The following GABRB1 variants were observed in gnomAD, a reference collection of about 807,000 sequenced individuals.
The protein encoded by GABRB1 is gamma-aminobutyric acid type A receptor subunit beta1.
A neutral mutation model predicts 51.6 loss-of-function variants in GABRB1; 17 were observed. The ratio of observed to expected loss-of-function variants is 0.33; its 90% CI spans 0.23 to 0.49. The LOEUF (loss-of-function observed/expected upper bound fraction) is 0.49. GABRB1 is among the 20% of genes least tolerant of loss of function. GABRB1 has a pLI of 0.99. For missense variants in GABRB1, 410 were observed against 600.6 expected (o/e 0.68, Z 3.32); for synonymous variants, 247 against 218.9 (o/e 1.13, Z -1.14).
intron 3 of GABRB1, among the ~76,000 whole-genome samples, chr4:47,107,649 T>A (rs1358655425): frequency 6.6e-6 from 1 of 152,112 alleles, no homozygotes; most frequent in Non-Finnish European, 1.5e-5. Context: ...ATAAAGTTAG[T>A]TGACATATAT....
intron 3 of GABRB1, among the ~76,000 whole-genome samples, chr4:47,051,407 A>G (rs938156006): frequency 1.2e-4 from 18 of 152,234 alleles, no homozygotes; most frequent in Non-Finnish European, 2.5e-4. Context: ...CTGAGAAACT[A>G]GACAAGAGGT....
intron 7 of GABRB1, among the ~76,000 whole-genome samples, chr4:47,405,252 A>G (rs1243450309): frequency 2.0e-5 from 3 of 152,160 alleles, no homozygotes; most frequent in African/African-American, 7.2e-5. Context: ...AATTTTTTGT[A>G]TGGTAGCCCT....
At chr4:47,339,480 T>C (rs1725806875) in intron 5 of GABRB1, among the ~76,000 whole-genome samples, 1 of 152,080 alleles carries the variant, frequency 6.6e-6, no homozygotes, top group Non-Finnish European at 1.5e-5. Flanking sequence ...ATTATTGCAT[T>C]CAACCAATTA....
chr4:47,112,149 T>A (rs1715241186), intron 3 of GABRB1, among the ~76,000 whole-genome samples: 1 of 151,842 alleles, frequency 6.6e-6, no homozygotes, highest in Admixed American at 6.6e-5. Context: ...TTTTTTGTTT[T>A]TTCTTGTTTG....
intron 3 of GABRB1, among the ~76,000 whole-genome samples, chr4:47,130,874 T>C (rs1038064543): frequency 6.6e-6 from 1 of 152,206 alleles, no homozygotes; most frequent in Non-Finnish European, 1.5e-5. Flanking sequence ...TTAAGTGCTA[T>C]ATCAAGAAAG....
At chr4:47,214,705 A>T (rs1293588914) in intron 4 of GABRB1, among the ~76,000 whole-genome samples, 3 of 152,132 alleles carry the variant, frequency 2.0e-5, no homozygotes, top group Non-Finnish European at 4.4e-5. Flanking sequence ...CCCCAAATTG[A>T]TATCAACTTC....
intron 3 of GABRB1, among the ~76,000 whole-genome samples, chr4:47,146,455 A>G (rs16859938): frequency 0.015 from 2,267 of 152,198 alleles, 60 homozygotes; most frequent in African/African-American, 0.052. Flanking sequence ...AAATGACATT[A>G]TAAATGGAGA....
chr4:47,008,153 C>T (rs1446152017), intron 1 of GABRB1, among the ~76,000 whole-genome samples: 2 of 151,986 alleles, frequency 1.3e-5, no homozygotes, highest in African/African-American at 4.8e-5. Flanking sequence ...CAAGAAATGA[C>T]TCCCAGATTT....
rs141721565 is a variant in GABRB1 at position 47,289,164 on chromosome 4, C to G, written c.462-30963C>G. On this transcript the variant is annotated intron_variant, in intron 4 of 8. Transcript: ENST00000295454. The stretch of plus-strand genomic sequence containing the variant: ...TATCTGTGATGATGTGAAACAGAGA[C>G]CATCAGTCCACAGAGACCCTTTCAA... 4.5e-3 allele frequency among the ~76,000 whole-genome samples: 678 copies of G among 152,154 alleles called. 21 individuals carry two copies. The highest frequency in any genetic ancestry group is 0.042 in the Admixed American group (643 of 15,288).
At chr4:47,305,149 C>CGCCTATTCG (rs1488560043) in intron 4 of GABRB1, among the ~76,000 whole-genome samples, 1 of 152,044 alleles carries the variant, frequency 6.6e-6, no homozygotes, top group Non-Finnish European at 1.5e-5. Flanking sequence ...ATGTGTATAC[C>CGCCTATTCG]AGTGTTTTAG....
At chr4:47,095,619 G>C (rs559749674) in intron 3 of GABRB1, among the ~76,000 whole-genome samples, 15 of 152,168 alleles carry the variant, frequency 9.9e-5, no homozygotes, top group Non-Finnish European at 1.9e-4. Context: ...TGATTCATAC[G>C]ATCTTTTAAT....
chr4:47,116,759 C>T (rs1048154870), intron 3 of GABRB1, among the ~76,000 whole-genome samples: 11 of 152,154 alleles, frequency 7.2e-5, no homozygotes, highest in African/African-American at 1.2e-4. Context: ...GAACTACCTG[C>T]GACTGAGCCA....
chr4:47,273,173 T>C (rs1722942061), intron 4 of GABRB1, among the ~76,000 whole-genome samples: 1 of 152,220 alleles, frequency 6.6e-6, no homozygotes, highest in African/African-American at 2.4e-5. Flanking sequence ...ATTTCTGTGC[T>C]GTATTCTTGA....
chr4:47,006,436 C>G (rs1050859139), intron 1 of GABRB1, among the ~76,000 whole-genome samples: 1 of 152,142 alleles, frequency 6.6e-6, no homozygotes, highest in African/African-American at 2.4e-5. Context: ...TAAGATGGAA[C>G]TATTTTCTTT....
intron 4 of GABRB1, among the ~76,000 whole-genome samples, chr4:47,311,465 G>A (rs1183517995): frequency 2.9e-5 from 4 of 136,738 alleles, no homozygotes; most frequent in East Asian, 4.7e-4. Context: ...ATCTTAGTGG[G>A]CCCAATGTAA....
chr4:47,417,161 C>A (rs1483115252), intron 8 of GABRB1, among the ~76,000 whole-genome samples: 1 of 152,128 alleles, frequency 6.6e-6, no homozygotes, highest in African/African-American at 2.4e-5. Flanking sequence ...CGAGTGTAAT[C>A]TCCTTTACTT....
chr4:47,121,034 G>A (rs1370505905), intron 3 of GABRB1, among the ~76,000 whole-genome samples: 1 of 152,146 alleles, frequency 6.6e-6, no homozygotes, highest in Non-Finnish European at 1.5e-5. Context: ...AGACTTGCCT[G>A]GGAGTTGCAG....
chr4:47,195,275 G>A lies in GABRB1; in HGVS notation c.461+33806G>A, dbSNP rs962581218. ...CCAGCTACTTGGGAGAGTGAGGCAG[G>A]AGAATGGCGTGAACCCGGGAGGTGG... is the stretch of plus-strand genomic sequence containing the variant. On this transcript the variant is annotated intron_variant, in intron 4 of 8. Transcript: ENST00000295454. Among the ~76,000 whole-genome samples the A allele has an allele frequency of 1.1e-4, 16 of 152,260 alleles. 1 individual carries two copies. Among genetic ancestry groups the A allele is most frequent in the Admixed American group, 7.2e-4 (11 of 15,292 alleles).
At chr4:47,096,118 A>G (rs902569559) in intron 3 of GABRB1, among the ~76,000 whole-genome samples, 2 of 152,194 alleles carry the variant, frequency 1.3e-5, no homozygotes, top group African/African-American at 2.4e-5. Flanking sequence ...ATACTTTAAT[A>G]TATCTCCAGT....
Sources: allele counts gnomAD v4.1 joint callset (sites outside exome capture counted in the v4.1 genomes callset), GRCh38; gene constraint gnomAD v4.1.1; transcripts MANE v1.5; gene names NCBI Gene and HGNC (gene_info 2026-07-23, HGNC 2026-07-21).